The following MROH2B variants were observed in gnomAD, a reference collection of about 807,000 sequenced individuals.
The protein encoded by MROH2B is maestro heat like repeat family member 2B, also known as maestro heat-like repeat-containing protein family member 2B.
In MROH2B, 177 loss-of-function variants were observed where a neutral mutation model predicts 208.6. The observed-to-expected ratio is 0.85, with a 90% CI of 0.75 to 0.96. MROH2B has a LOEUF of 0.96. Among genes scored for constraint, MROH2B ranks in the 40% least tolerant of loss-of-function variants. The probability of loss-of-function intolerance (pLI) is 0.00; values close to 1 mark genes in which losing one functional copy is unlikely to be tolerated. For synonymous variants in MROH2B, 728 were observed against 659.0 expected (o/e 1.10, Z -1.60); for missense variants, 2,002 against 1,878.7 (o/e 1.07, Z -1.21).
intron 28 of MROH2B, 54 bp downstream of exon 28, chr5:41,017,796 T>C (rs1163791877): frequency 1.3e-6 from 2 of 1,527,092 alleles, no homozygotes; most frequent in Non-Finnish European, 1.8e-6. Context: ...AAGCTGAGAA[T>C]AAAAGAAGAT....
At chr5:41,045,928 A>C (rs1743105661) in intron 17 of MROH2B, 75 bp from the exon 18 acceptor site, 1 of 1,041,632 alleles carries the variant, frequency 9.6e-7, no homozygotes, top group Admixed American at 2.0e-5. Context: ...TGGTTATTTT[A>C]TCTTTTAAAA....
At chr5:41,008,497 T>G in intron 33 of MROH2B, 109 bp downstream of exon 33, 2 of 1,275,692 alleles carry the variant, frequency 1.6e-6, no homozygotes, top group South Asian at 3.0e-5. Context: ...TGTTTCTTCA[T>G]GGACAATGGA....
intron 24 of MROH2B, among the ~76,000 whole-genome samples, chr5:41,024,848 G>A (rs1742293121): frequency 6.6e-6 from 1 of 152,160 alleles, no homozygotes; most frequent in Non-Finnish European, 1.5e-5. Flanking sequence ...TCAGATCACA[G>A]TGCAATCAAA....
In MROH2B at chr5:41,000,828, C is replaced by T. The variant is rs867406282; in HGVS notation, c.4200G>A (p.Gln1400=). 6.2e-7 allele frequency: 1 copy of T among 1,610,246 alleles called. No individual in the cohort carries two copies. Among genetic ancestry groups the T allele is most frequent in the Non-Finnish European group, 8.5e-7 (1 of 1,178,350 alleles). Residue 1400 remains glutamine (Q), a synonymous_variant, in exon 38 of 42, where the codon CAG becomes CAA. Coordinates refer to ENST00000399564, the MANE Select transcript of MROH2B (RefSeq NM_173489.5). ...LQTRTFFEDE[Q]DDVRLTAIFL... is the part of the protein sequence containing the mutation. ...AGATGGCAGTCAATCTCACATCATC[C>T]TGCTCCTGTGGTGACGAATGCATGT...
At chr5:41,030,613 G>T (rs1742534775) in intron 24 of MROH2B, among the ~76,000 whole-genome samples, 1 of 151,766 alleles carries the variant, frequency 6.6e-6, no homozygotes, top group South Asian at 2.1e-4. Flanking sequence ...ATAGGATATA[G>T]GAAAAACAAT....
intron 6 of MROH2B, among the ~76,000 whole-genome samples, chr5:41,058,806 G>A (rs1363154325): frequency 2.6e-5 from 4 of 152,022 alleles, no homozygotes; most frequent in Non-Finnish European, 5.9e-5. Context: ...CAGCACTTTG[G>A]GAGGCCGAGG....
chr5:41,058,151 C>G lies in MROH2B; in HGVS notation c.668G>C (p.Arg223Pro), dbSNP rs368563285. Residue 223 changes from arginine (R) to proline (P), a missense_variant, in exon 7 of 42, where the codon CGG becomes CCG. Arg to Pro is a moderately radical substitution (Grantham distance 103). Transcript: ENST00000399564. ...CAGGGCGTATCCACGGAAGTCTTCC[C>G]GATGCAGCAGCAAGCTCACCGTGGG... is the stretch of plus-strand genomic sequence containing the variant. Reference protein sequence around the residue: ...HGPTVSLLLHREDFRGYALGQ... With the variant: ...HGPTVSLLLHPEDFRGYALGQ... The G allele has an allele frequency of 5.0e-6, 8 of 1,606,284 alleles. No individual in the cohort carries two copies. The highest frequency in any genetic ancestry group is 6.8e-6 in the Non-Finnish European group (8 of 1,176,246).
At chr5:41,024,306 C>A (rs1292220405) in intron 24 of MROH2B, among the ~76,000 whole-genome samples, 1 of 152,006 alleles carries the variant, frequency 6.6e-6, no homozygotes, top group Non-Finnish European at 1.5e-5. Context: ...CATGCAGAGA[C>A]ACACATAGGC....
In MROH2B at chr5:41,024,808, A is replaced by G. The variant is rs187281675; in HGVS notation, c.2442-5790T>C. 2.5e-3 allele frequency among the ~76,000 whole-genome samples: 385 copies of G among 152,354 alleles called. 1 individual carries two copies. The highest frequency in any genetic ancestry group is 4.8e-3 in the Non-Finnish European group (325 of 68,036). Reference sequence around the variant, plus strand: ...AAGTAAAGCTCTCCTCAGCAAATGTAAAAGAACAGAAATTATAACAAACTG... The same window carrying G: ...AAGTAAAGCTCTCCTCAGCAAATGTGAAAGAACAGAAATTATAACAAACTG... On this transcript the variant is annotated intron_variant, in intron 24 of 41. Transcript: ENST00000399564.
intron 24 of MROH2B, among the ~76,000 whole-genome samples, chr5:41,021,081 T>C (rs1380301165): frequency 2.0e-5 from 3 of 152,206 alleles, no homozygotes; most frequent in African/African-American, 7.2e-5. Flanking sequence ...AACTAATAAA[T>C]GAATTCAGCA....
intron 28 of MROH2B, among the ~76,000 whole-genome samples, chr5:41,016,506 T>TTG (rs1200278015): frequency 7.3e-6 from 1 of 137,160 alleles, no homozygotes; most frequent in African/African-American, 2.7e-5. Flanking sequence ...ATGTTTTTTT[T>TTG]TTTTTTTTTT....
At position 41,069,860 on chromosome 5, in the gene MROH2B, TCTC is replaced by T; in HGVS notation, c.29-111_29-109del. On this transcript the variant is annotated intron_variant, in intron 1 of 41. Coordinates refer to ENST00000399564, the MANE Select transcript of MROH2B (RefSeq NM_173489.5). ...CATTCATTCATTTATCCTCTCTCTC[TCTC>T]TCTCCCTTGACTGCTAGCTCTTTGA... 5 of 795,328 alleles carry T rather than the reference TCTC, an allele frequency of 6.3e-6. 1 individual carries two copies. The South Asian group carries it at 8.1e-5, about 13-fold the overall frequency. The allele number at this position is 795,328 out of a possible 1,614,324, so 49.3% of individuals were successfully genotyped here.
At chr5:41,019,428 CT>C (rs1742072411) in intron 24 of MROH2B, among the ~76,000 whole-genome samples, 1 of 152,074 alleles carries the variant, frequency 6.6e-6, no homozygotes, top group Admixed American at 6.6e-5. Context: ...GCAGCAGTGA[CT>C]TTTATCAATT....
intron 19 of MROH2B, among the ~76,000 whole-genome samples, chr5:41,040,091 C>A (rs892387277): frequency 6.6e-6 from 1 of 152,072 alleles, no homozygotes; most frequent in South Asian, 2.1e-4. Context: ...TACAGTAGGG[C>A]CTTTTAGGCC....
At chr5:41,026,177 T>C (rs1271574104) in intron 24 of MROH2B, among the ~76,000 whole-genome samples, 1 of 152,196 alleles carries the variant, frequency 6.6e-6, no homozygotes, top group African/African-American at 2.4e-5. Context: ...TGTTGGAAGT[T>C]CTGGTCAGCG....
At chr5:41,052,209 G>GA (rs3073958) in intron 12 of MROH2B, among the ~76,000 whole-genome samples, 107 of 137,918 alleles carry the variant, frequency 7.8e-4, no homozygotes, top group East Asian at 3.8e-3. Context: ...GGTGATTTTA[G>GA]AAAAAAAAAA....
At chr5:41,065,206 G>T in intron 4 of MROH2B, 125 bp downstream of exon 4, 1 of 973,174 alleles carries the variant, frequency 1.0e-6, no homozygotes, top group Non-Finnish European at 1.5e-6. Flanking sequence ...ACATCCCTCT[G>T]TCAATATTTC....
chr5:41,034,917 A>G (rs1742704993), intron 21 of MROH2B, among the ~76,000 whole-genome samples: 1 of 152,112 alleles, frequency 6.6e-6, no homozygotes. Context: ...CTTTATGAGA[A>G]CTACAAAACA....
chr5:41,034,809 T>C (rs2150168100), intron 21 of MROH2B, among the ~76,000 whole-genome samples: 1 of 152,148 alleles, frequency 6.6e-6, no homozygotes, highest in African/African-American at 2.4e-5. Context: ...ACCAGTAATG[T>C]CCAGGCTGAG....
Sources: gnomAD v4.1 joint callset for allele counts (sites outside exome capture counted in the v4.1 genomes callset) on GRCh38, gnomAD v4.1.1 for gene constraint, MANE v1.5 for transcripts, NCBI Gene and HGNC (gene_info 2026-07-23, HGNC 2026-07-21) for gene names.